The following SRGAP2B variants were observed in gnomAD, a reference collection of about 807,000 sequenced individuals.
SRGAP2B encodes the protein SLIT-ROBO Rho GTPase activating protein 2B, also known as SLIT-ROBO Rho GTPase-activating protein 2B.
A neutral mutation model predicts 22.2 loss-of-function variants in SRGAP2B; 9 were observed. The observed-to-expected ratio is 0.41, with a 90% CI of 0.24 to 0.71. The LOEUF (loss-of-function observed/expected upper bound fraction) is 0.71, where lower values mean the gene tolerates loss of function less well. SRGAP2B is among the 30% of genes least tolerant of loss of function. SRGAP2B has a pLI of 0.35. For missense variants in SRGAP2B, 114 were observed against 235.8 expected, an observed-to-expected ratio of 0.48 and a Z score of 3.38; for synonymous variants, 36 against 87.4, an observed-to-expected ratio of 0.41 and a Z score of 3.28.
intron 3 of SRGAP2B, among the ~76,000 whole-genome samples, chr1:144,966,342 T>G (rs1329987631): frequency 6.7e-6 from 1 of 149,438 alleles, no homozygotes; most frequent in Non-Finnish European, 1.5e-5. Flanking sequence ...ATATTCAACA[T>G]TCTTAAAGAA....
chr1:144,931,669 T>C (rs1358598793), intron 4 of SRGAP2B, among the ~76,000 whole-genome samples: 4 of 150,434 alleles, frequency 2.7e-5, no homozygotes, highest in Non-Finnish European at 5.9e-5. Flanking sequence ...TACATTGGGA[T>C]TGTTGGCAGT....
intron 5 of SRGAP2B, among the ~76,000 whole-genome samples, chr1:144,913,019 G>A (rs1663530226): frequency 1.5e-5 from 2 of 134,000 alleles, no homozygotes; most frequent in Non-Finnish European, 1.6e-5. Flanking sequence ...GTAGCAGCTC[G>A]GCCCTCTGCA....
intron 4 of SRGAP2B, among the ~76,000 whole-genome samples, chr1:144,927,399 T>C (rs1295107581): frequency 6.6e-6 from 1 of 150,882 alleles, no homozygotes; most frequent in African/African-American, 2.5e-5. Context: ...TCTCATATTT[T>C]TCTTGTCTGA....
intron 3 of SRGAP2B, among the ~76,000 whole-genome samples, chr1:144,969,848 C>T (rs1158005951): frequency 1.3e-5 from 2 of 150,754 alleles, no homozygotes; most frequent in South Asian, 2.1e-4. Context: ...CATGAACAGA[C>T]ACTTCTCAAA....
At chr1:145,040,463 T>C (rs1649093891) in intron 2 of SRGAP2B, among the ~76,000 whole-genome samples, 2 of 150,378 alleles carry the variant, frequency 1.3e-5, no homozygotes, top group Admixed American at 6.6e-5. Context: ...TCAGGGATAG[T>C]AAACTCTTCC....
chr1:145,020,107 A>G (rs1672686029), intron 2 of SRGAP2B, among the ~76,000 whole-genome samples: 1 of 144,570 alleles, frequency 6.9e-6, no homozygotes, highest in Admixed American at 6.9e-5. Context: ...AAAGCTCCCT[A>G]CCCCTTATTT....
intron 4 of SRGAP2B, among the ~76,000 whole-genome samples, chr1:144,942,157 G>C (rs1666098926): frequency 7.4e-6 from 1 of 134,664 alleles, no homozygotes; most frequent in Non-Finnish European, 1.6e-5. Context: ...GTTGTGATGA[G>C]ATTAAATAGG....
chr1:144,904,698 CAAAAAAAAAAAAAAAAA>C (rs1192600476), intron 7 of SRGAP2B, among the ~76,000 whole-genome samples: 1 of 16,944 alleles, frequency 5.9e-5, no homozygotes, highest in Admixed American at 1.1e-3. Context: ...GACTCTATCT[CAAAAAAAAAAAAAAAAA>C]AAAAAAAAAA....
chr1:144,939,632 T>G (rs1479309194), intron 4 of SRGAP2B, among the ~76,000 whole-genome samples: 1 of 147,748 alleles, frequency 6.8e-6, no homozygotes, highest in African/African-American at 2.6e-5. Context: ...ATTATTAAAC[T>G]CAACTGAATG....
chr1:144,968,493 C>A (rs1668246799), intron 3 of SRGAP2B, among the ~76,000 whole-genome samples: 1 of 25,190 alleles, frequency 4.0e-5, no homozygotes, highest in African/African-American at 1.8e-4. Flanking sequence ...GGACGTATCT[C>A]AAAATAATAA....
chr1:144,993,530 G>A (rs1356650482), intron 3 of SRGAP2B, among the ~76,000 whole-genome samples: 2 of 150,288 alleles, frequency 1.3e-5, no homozygotes, highest in Non-Finnish European at 2.9e-5. Flanking sequence ...GCGAAACCCT[G>A]TCTCTACAAC....
intron 3 of SRGAP2B, among the ~76,000 whole-genome samples, chr1:144,956,438 C>CT (rs1667270817): frequency 7.8e-6 from 1 of 128,288 alleles, no homozygotes; most frequent in Admixed American, 7.7e-5. Context: ...GTGCTCATTC[C>CT]CTTTTTTTTT....
intron 3 of SRGAP2B, among the ~76,000 whole-genome samples, chr1:144,964,665 C>A (rs1667927503): frequency 6.6e-6 from 1 of 151,180 alleles, no homozygotes; most frequent in African/African-American, 2.5e-5. Context: ...GCTTAAGACA[C>A]AGAGTCTAGG....
intron 3 of SRGAP2B, among the ~76,000 whole-genome samples, chr1:144,984,373 A>AAAT (rs1553615567): frequency 6.7e-6 from 1 of 148,664 alleles, no homozygotes; most frequent in Non-Finnish European, 1.5e-5. Context: ...AACAAAAAAA[A>AAAT]AAAAACAAAA....
rs1256268749 is a variant in SRGAP2B at position 145,023,475 on chromosome 1, CCT to C, written c.68-28277_68-28276del. Among the ~76,000 whole-genome samples the C allele has an allele frequency of 3.6e-5, 5 of 138,192 alleles. 1 individual carries two copies. Among genetic ancestry groups the C allele is most frequent in the Non-Finnish European group, 8.2e-5 (5 of 61,298 alleles). 90.7% of individuals were successfully genotyped at this position (138,192 alleles called of 152,430 possible). On this transcript the variant is annotated intron_variant, in intron 2 of 9. Transcript: ENST00000612199. ...TTTAGCCATCTACCCCCCACCTTCCCCTGACTGAACAATTTGATTTGACAATT... is the reference window on the plus strand; with the variant it reads ...TTTAGCCATCTACCCCCCACCTTCCCGACTGAACAATTTGATTTGACAATT...
At chr1:144,998,345 G>A (rs1670849227) in intron 2 of SRGAP2B, among the ~76,000 whole-genome samples, 2 of 95,368 alleles carry the variant, frequency 2.1e-5, no homozygotes, top group South Asian at 8.4e-4. Flanking sequence ...CTACTCTACA[G>A]GACAGCTTAG....
At chr1:144,988,999 C>T (rs1472833609) in intron 3 of SRGAP2B, among the ~76,000 whole-genome samples, 1 of 55,080 alleles carries the variant, frequency 1.8e-5, no homozygotes, top group African/African-American at 8.6e-5. Flanking sequence ...ACTCCCCCCA[C>T]TTTTTTTTTT....
chr1:144,956,737 C>G (rs2480392), intron 3 of SRGAP2B, among the ~76,000 whole-genome samples: 11 of 150,082 alleles, frequency 7.3e-5, no homozygotes, highest in East Asian at 5.8e-4. Flanking sequence ...AGTGAGCCAC[C>G]GCGCCCGGCC....
chr1:144,993,870 C>G lies in SRGAP2B; in HGVS notation c.260+1138G>C, dbSNP rs1670450389. On this transcript the variant is annotated intron_variant, in intron 3 of 9. Transcript: ENST00000612199. Reference sequence around the variant, plus strand: ...GAATGGAGAGAAACTGTAGACCAAGCTTGTCCAACCTACGGCCTGTGGGCT... The same window carrying G: ...GAATGGAGAGAAACTGTAGACCAAGGTTGTCCAACCTACGGCCTGTGGGCT... Among the ~76,000 whole-genome samples the G allele has an allele frequency of 2.0e-5, 3 of 150,090 alleles. No homozygotes were observed. The South Asian group carries it at 6.3e-4, about 31-fold the overall frequency.
Sources: allele counts gnomAD v4.1 joint callset (sites outside exome capture counted in the v4.1 genomes callset), GRCh38; gene constraint gnomAD v4.1.1; transcripts MANE v1.5; gene names NCBI Gene and HGNC (gene_info 2026-07-23, HGNC 2026-07-21).